TUSC3: variants seen among roughly 807,000 people sequenced by gnomAD.
TUSC3 encodes dolichyl-diphosphooligosaccharide--protein glycosyltransferase subunit TUSC3.
TUSC3 carries 45 observed loss-of-function variants against 44.8 expected under a neutral mutation model. The observed-to-expected ratio is 1.00, with a 90% CI of 0.79 to 1.29. TUSC3 has a LOEUF of 1.29. Among genes scored for constraint, TUSC3 ranks in the 50% most tolerant of loss-of-function variants. TUSC3 has a pLI of 0.00. For synonymous variants in TUSC3, 212 were observed against 152.9 expected, an observed-to-expected ratio of 1.39 and a Z score of -2.85; for missense variants, 519 against 437.9, an observed-to-expected ratio of 1.19 and a Z score of -1.65.
intron 1 of TUSC3, among the ~76,000 whole-genome samples, chr8:15,566,561 G>C (rs576630336): frequency 6.6e-6 from 1 of 151,924 alleles, no homozygotes; most frequent in Non-Finnish European, 1.5e-5. Context: ...TTCCTCAGAG[G>C]AGGTATATGT....
At chr8:15,626,203 T>C (rs1805502212) in intron 2 of TUSC3, among the ~76,000 whole-genome samples, 1 of 152,092 alleles carries the variant, frequency 6.6e-6, no homozygotes, top group African/African-American at 2.4e-5. Flanking sequence ...CCTCTGCCAC[T>C]CCAGACCCTG....
intron 1 of TUSC3, among the ~76,000 whole-genome samples, chr8:15,588,747 T>A (rs1803699584): frequency 1.3e-5 from 2 of 152,130 alleles, no homozygotes; most frequent in Non-Finnish European, 2.9e-5. Context: ...AGAGACAGGG[T>A]CCAGTTCACT....
At chr8:15,769,414 C>G (rs1585320058), downstream of TUSC3, among the ~76,000 whole-genome samples, 2 of 152,028 alleles carry the variant, frequency 1.3e-5, no homozygotes, top group Non-Finnish European at 2.9e-5. Context: ...TTACACCGTA[C>G]ACAAAAATTA....
At chr8:15,735,418 C>T (rs1369442494) in intron 7 of TUSC3, among the ~76,000 whole-genome samples, 1 of 151,986 alleles carries the variant, frequency 6.6e-6, no homozygotes, top group Non-Finnish European at 1.5e-5. Flanking sequence ...ATGTTTAGCC[C>T]AAAAAAGTTC....
intron 1 of TUSC3, among the ~76,000 whole-genome samples, chr8:15,562,003 C>G (rs1301196760): frequency 6.6e-6 from 1 of 152,164 alleles, no homozygotes; most frequent in Non-Finnish European, 1.5e-5. Context: ...AGGAGCTGTT[C>G]CTATTCGGCC....
chr8:15,568,946 C>T (rs1802770753), intron 1 of TUSC3, among the ~76,000 whole-genome samples: 1 of 151,904 alleles, frequency 6.6e-6, no homozygotes. Flanking sequence ...CATTGGTTGA[C>T]TACTTTCTTT....
At chr8:15,699,976 T>C (rs1332511135) in intron 6 of TUSC3, among the ~76,000 whole-genome samples, 2 of 152,172 alleles carry the variant, frequency 1.3e-5, no homozygotes, top group Non-Finnish European at 2.9e-5. Flanking sequence ...CATTCCAATA[T>C]TGCAACATTA....
intron 6 of TUSC3, among the ~76,000 whole-genome samples, chr8:15,683,215 T>C (rs1288197036): frequency 6.6e-6 from 1 of 152,234 alleles, no homozygotes; most frequent in African/African-American, 2.4e-5. Flanking sequence ...ATTGGGAAAA[T>C]ATTTGTGGGT....
chr8:15,628,235 T>G (rs1805601433), intron 2 of TUSC3, among the ~76,000 whole-genome samples: 1 of 152,160 alleles, frequency 6.6e-6, no homozygotes, highest in Non-Finnish European at 1.5e-5. Flanking sequence ...AATCTAGAAA[T>G]ATTTTATTAT....
chr8:15,424,356 T>C (rs937593639), intron 1 of TUSC3, among the ~76,000 whole-genome samples: 4 of 151,990 alleles, frequency 2.6e-5, no homozygotes, highest in African/African-American at 9.7e-5. Flanking sequence ...GTTATTCCCC[T>C]CCCAGTATTT....
chr8:15,574,028 C>T (rs1802994673), intron 1 of TUSC3, among the ~76,000 whole-genome samples: 1 of 152,046 alleles, frequency 6.6e-6, no homozygotes, highest in African/African-American at 2.4e-5. Context: ...TGTTTTGTTC[C>T]TGGAAGTTAT....
At chr8:15,806,066 A>G in the TUSC3 span, 3 of 271,018 alleles carry the variant, frequency 1.1e-5, no homozygotes, top group Non-Finnish European at 2.2e-5. Flanking sequence ...AAAGTTGAGG[A>G]CGGATGTTAA....
At chr8:15,434,409 C>T (rs1799918133) in intron 1 of TUSC3, among the ~76,000 whole-genome samples, 2 of 152,016 alleles carry the variant, frequency 1.3e-5, no homozygotes, top group Non-Finnish European at 2.9e-5. Flanking sequence ...TCAAAATCTT[C>T]CAGATTGTGA....
At chr8:15,685,506 T>A (rs1808592087) in intron 6 of TUSC3, among the ~76,000 whole-genome samples, 1 of 152,192 alleles carries the variant, frequency 6.6e-6, no homozygotes, top group Non-Finnish European at 1.5e-5. Context: ...TCTTAAACAG[T>A]TGGATAGATA....
At chr8:15,824,374 G>A in the TUSC3 span, among the ~76,000 whole-genome samples, 9 of 152,248 alleles carry the variant, frequency 5.9e-5, no homozygotes, top group East Asian at 1.7e-3. Flanking sequence ...AATATCAACT[G>A]ATGGGCTTAA....
chr8:15,515,650 A>G (rs1801206104), intron 2 of TUSC3, among the ~76,000 whole-genome samples: 1 of 151,966 alleles, frequency 6.6e-6, no homozygotes, highest in African/African-American at 2.4e-5. Flanking sequence ...ATATGATACA[A>G]AATATATATA....
intron 6 of TUSC3, among the ~76,000 whole-genome samples, chr8:15,709,693 T>G (rs978578414): frequency 6.6e-6 from 1 of 151,918 alleles, no homozygotes; most frequent in African/African-American, 2.4e-5. Context: ...CTTTAGTCCT[T>G]ATAGTATCCT....
rs1799863303 is a variant in TUSC3 at position 15,430,761 on chromosome 8, G to T, written n.91+13456G>T. Among the ~76,000 whole-genome samples, 2 of 151,714 alleles carry T rather than the reference G, an allele frequency of 1.3e-5. 1 individual carries two copies. The highest frequency in any genetic ancestry group is 4.9e-5 in the African/African-American group (2 of 41,006). On this transcript the variant is annotated intron_variant and non_coding_transcript_variant, in intron 1 of 5. Coordinates refer to the TUSC3 transcript ENST00000503191. ...TCTCAGCCCAAAATCTCCTTAAGCT[G>T]ATAAGCAACTTCAGCAAAATCTCAG...
intron 9 of TUSC3, among the ~76,000 whole-genome samples, chr8:15,755,952 A>G (rs1811911538): frequency 6.6e-6 from 1 of 152,164 alleles, no homozygotes; most frequent in African/African-American, 2.4e-5. Flanking sequence ...TTTCCTTTAG[A>G]AGATGTCTGT....
Sources: allele counts gnomAD v4.1 joint callset (sites outside exome capture counted in the v4.1 genomes callset), GRCh38; gene constraint gnomAD v4.1.1; transcripts MANE v1.5; gene names NCBI Gene and HGNC (gene_info 2026-07-23, HGNC 2026-07-21).